Variants in SH3GL2 observed in about 807,000 individuals in gnomAD.
SH3GL2 encodes the protein endophilin-A1.
A neutral mutation model predicts 46.0 loss-of-function variants in SH3GL2; 24 were observed. That is an observed-to-expected ratio of 0.52 (90% CI 0.38 to 0.73). The LOEUF (loss-of-function observed/expected upper bound fraction) is 0.73, where lower values mean the gene tolerates loss of function less well. Among genes scored for constraint, SH3GL2 ranks in the 30% least tolerant of loss-of-function variants. The pLI is 0.00. For synonymous variants in SH3GL2, 196 were observed against 147.1 expected (o/e 1.33, Z -2.40); for missense variants, 413 against 424.2 (o/e 0.97, Z 0.23).
chr9:17,734,966 A>G (rs936388211), intron 1 of SH3GL2, among the ~76,000 whole-genome samples: 3 of 152,164 alleles, frequency 2.0e-5, no homozygotes, highest in African/African-American at 7.2e-5. Flanking sequence ...TATAAATGAT[A>G]TCTTTACAAA....
chr9:17,733,757 C>A (rs150752550), intron 1 of SH3GL2, among the ~76,000 whole-genome samples: 1 of 151,950 alleles, frequency 6.6e-6, no homozygotes, highest in Non-Finnish European at 1.5e-5. Flanking sequence ...TAAGAAAATG[C>A]GGCACATATA....
intron 1 of SH3GL2, among the ~76,000 whole-genome samples, chr9:17,618,123 G>A (rs1172543830): frequency 2.0e-5 from 3 of 152,224 alleles, no homozygotes; most frequent in Admixed American, 1.3e-4. Context: ...GTTCTCAACC[G>A]GGGATGATTT....
At chr9:17,740,251 C>T (rs1267439792) in intron 1 of SH3GL2, among the ~76,000 whole-genome samples, 2 of 151,998 alleles carry the variant, frequency 1.3e-5, no homozygotes, top group African/African-American at 4.8e-5. Context: ...AATCCATTTT[C>T]AAAACATCAT....
At chr9:17,657,510 G>A (rs1820114897) in intron 1 of SH3GL2, among the ~76,000 whole-genome samples, 1 of 152,140 alleles carries the variant, frequency 6.6e-6, no homozygotes, top group South Asian at 2.1e-4. Flanking sequence ...ATTCCTTTAA[G>A]CAAGTCATTT....
chr9:17,679,862 C>A (rs1283690072), intron 1 of SH3GL2, among the ~76,000 whole-genome samples: 2 of 152,084 alleles, frequency 1.3e-5, no homozygotes, highest in South Asian at 2.1e-4. Context: ...TTGTCAAAGG[C>A]CTTTTCTGCA....
At chr9:17,716,495 A>G (rs890055199) in intron 1 of SH3GL2, among the ~76,000 whole-genome samples, 1 of 152,148 alleles carries the variant, frequency 6.6e-6, no homozygotes, top group Admixed American at 6.6e-5. Flanking sequence ...CAGGTCAATT[A>G]TAAGGTTTTC....
intron 1 of SH3GL2, among the ~76,000 whole-genome samples, chr9:17,742,307 A>T (rs1262518172): frequency 6.6e-6 from 1 of 152,140 alleles, no homozygotes; most frequent in African/African-American, 2.4e-5. Context: ...GGGGAGGATG[A>T]GTCATTATTG....
rs148227857 is a variant in SH3GL2 at position 17,652,324 on chromosome 9, A to G, written c.45+73037A>G. On this transcript the variant is annotated intron_variant, in intron 1 of 8. Coordinates refer to ENST00000380607, the MANE Select transcript of SH3GL2 (RefSeq NM_003026.5). ...CTTTAAATCATTATTATTCATTATT[A>G]TTTTTACATATATGTGTTTTTATTT... Among the ~76,000 whole-genome samples, 344 of 151,814 alleles carry G rather than the reference A, an allele frequency of 2.3e-3. 3 individuals are homozygous for G. Among genetic ancestry groups the G allele is most frequent in the African/African-American group, 8.2e-3 (338 of 41,422 alleles).
intron 2 of SH3GL2, among the ~76,000 whole-genome samples, chr9:17,749,953 A>G (rs1331088946): frequency 6.6e-6 from 1 of 152,080 alleles, no homozygotes; most frequent in Non-Finnish European, 1.5e-5. Context: ...TGAAGAACAC[A>G]CTCATGGCTC....
chr9:17,748,478 G>A (rs912371137), intron 2 of SH3GL2, among the ~76,000 whole-genome samples: 6 of 152,046 alleles, frequency 3.9e-5, no homozygotes, highest in African/African-American at 1.4e-4. Flanking sequence ...AGATCCAACA[G>A]GCTGCCTCAG....
chr9:17,710,140 A>G (rs1821579037), intron 1 of SH3GL2, among the ~76,000 whole-genome samples: 1 of 151,948 alleles, frequency 6.6e-6, no homozygotes, highest in South Asian at 2.1e-4. Flanking sequence ...CTTGAATTGT[A>G]GTTACCATTC....
chr9:17,666,175 T>C (rs1377591198), intron 1 of SH3GL2, among the ~76,000 whole-genome samples: 1 of 152,010 alleles, frequency 6.6e-6, no homozygotes, highest in Admixed American at 6.6e-5. Context: ...GTCAAAGTAC[T>C]GCATTCAGAA....
chr9:17,738,641 T>TATATATATATATAGAGAGAGAGAGAGAG (rs376280314), intron 1 of SH3GL2, among the ~76,000 whole-genome samples: 2 of 88,880 alleles, frequency 2.3e-5, no homozygotes, highest in Non-Finnish European at 4.7e-5. Context: ...TATATATATA[T>TATATATATATATAGAGAGAGAGAGAGAG]AGAGAGAGAG....
chr9:17,673,906 T>C (rs1452974095), intron 1 of SH3GL2, among the ~76,000 whole-genome samples: 1 of 152,154 alleles, frequency 6.6e-6, no homozygotes, highest in African/African-American at 2.4e-5. Flanking sequence ...TACCCTAAGG[T>C]CTCCATAGGG....
chr9:17,771,850 G>A (rs114020730), intron 3 of SH3GL2, among the ~76,000 whole-genome samples: 2,000 of 152,210 alleles, frequency 0.013, 54 homozygotes, highest in African/African-American at 0.045. Context: ...CATTATTTGG[G>A]TTGAGAGTAG....
At chr9:17,695,037 G>C (rs767825935) in intron 1 of SH3GL2, among the ~76,000 whole-genome samples, 4 of 152,046 alleles carry the variant, frequency 2.6e-5, no homozygotes, top group Non-Finnish European at 5.9e-5. Flanking sequence ...AAAATAGCCA[G>C]AGATCACTAG....
At chr9:17,755,037 T>G (rs564632457) in intron 2 of SH3GL2, among the ~76,000 whole-genome samples, 7 of 152,240 alleles carry the variant, frequency 4.6e-5, no homozygotes, top group African/African-American at 1.7e-4. Flanking sequence ...ATAGGAGGGG[T>G]GAGAGAGGGC....
chr9:17,777,590 C>T (rs1823677484), intron 3 of SH3GL2, among the ~76,000 whole-genome samples: 1 of 152,030 alleles, frequency 6.6e-6, no homozygotes, highest in African/African-American at 2.4e-5. Flanking sequence ...GATCAAGTTG[C>T]TTGACCATGT....
At chr9:17,724,620 A>G (rs959649370) in intron 1 of SH3GL2, among the ~76,000 whole-genome samples, 1 of 152,102 alleles carries the variant, frequency 6.6e-6, no homozygotes, top group African/African-American at 2.4e-5. Flanking sequence ...TGAATGTCTC[A>G]TAATTCCTTG....
Sources: gnomAD v4.1 joint callset for allele counts (sites outside exome capture counted in the v4.1 genomes callset) on GRCh38, gnomAD v4.1.1 for gene constraint, MANE v1.5 for transcripts, NCBI Gene and HGNC (gene_info 2026-07-23, HGNC 2026-07-21) for gene names.